Variants in VWA3B observed in about 807,000 individuals in gnomAD.
VWA3B encodes von Willebrand factor A domain containing 3B, also known as von Willebrand factor A domain-containing protein 3B.
A neutral mutation model predicts 158.3 loss-of-function variants in VWA3B; 138 were observed. That is an observed-to-expected ratio of 0.87 (90% confidence interval 0.76 to 1.00). The LOEUF (loss-of-function observed/expected upper bound fraction) is 1.00. Among genes scored for constraint, VWA3B ranks in the 50% least tolerant of loss-of-function variants. The probability of loss-of-function intolerance (pLI) is 0.00; values close to 1 mark genes in which losing one functional copy is unlikely to be tolerated. For missense variants in VWA3B, 1,555 were observed against 1,565.1 expected (o/e 0.99, Z 0.11); for synonymous variants, 596 against 587.3 (o/e 1.01, Z -0.21).
intron 8 of VWA3B, among the ~76,000 whole-genome samples, chr2:98,165,173 A>G (rs2105260435): frequency 1.3e-5 from 2 of 152,334 alleles, no homozygotes; most frequent in Admixed American, 1.3e-4. Flanking sequence ...GTGGACGCAC[A>G]TACCTTACAC....
intron 26 of VWA3B, among the ~76,000 whole-genome samples, chr2:98,307,570 C>A (rs1479986292): frequency 6.6e-6 from 1 of 152,206 alleles, no homozygotes; most frequent in Non-Finnish European, 1.5e-5. Context: ...ACATAAAGTA[C>A]ATTGATTTCT....
chr2:98,109,277 C>A (rs1206392600), intron 2 of VWA3B, among the ~76,000 whole-genome samples: 1 of 152,128 alleles, frequency 6.6e-6, no homozygotes, highest in East Asian at 1.9e-4. Flanking sequence ...CAGGCGTGAG[C>A]CACCGCGCCT....
chr2:98,295,799 A>G (rs958202425), intron 23 of VWA3B, among the ~76,000 whole-genome samples: 1 of 152,218 alleles, frequency 6.6e-6, no homozygotes, highest in Non-Finnish European at 1.5e-5. Context: ...GACACAAGAA[A>G]TGGTTGCAGT....
Position 98,298,006 on chromosome 2 carries a change from G to C in VWA3B, c.3257G>C (p.Gly1086Ala), listed in dbSNP as rs1002337145. 2 of 1,579,476 alleles carry C rather than the reference G, an allele frequency of 1.3e-6. No individual in the cohort carries two copies. The highest frequency in any genetic ancestry group is 1.7e-6 in the Non-Finnish European group (2 of 1,163,086). Reference protein sequence around the residue: ...VSTSFITPVGGAMPCPLLQVG... With the variant: ...VSTSFITPVGAAMPCPLLQVG... ...ACCTCCTTCATCACGCCTGTGGGGGGCGCCATGCCCTGCCCGCTGCTCCAG... is the reference window on the plus strand; with the variant it reads ...ACCTCCTTCATCACGCCTGTGGGGGCCGCCATGCCCTGCCCGCTGCTCCAG... The change falls in exon 24 of 28, where the codon GGC (glycine) becomes GCC (alanine). Residue 1086 changes from glycine to alanine, a missense_variant. Gly to Ala is a moderately conservative substitution (Grantham distance 60). Transcript: ENST00000477737.
chr2:98,120,751 G>A (rs751619404), intron 4 of VWA3B, among the ~76,000 whole-genome samples: 1 of 152,126 alleles, frequency 6.6e-6, no homozygotes, highest in Non-Finnish European at 1.5e-5. Flanking sequence ...CAAACTAAAT[G>A]GTTTAACCAA....
chr2:98,236,142 A>G (rs1685661219), intron 17 of VWA3B, among the ~76,000 whole-genome samples: 1 of 152,240 alleles, frequency 6.6e-6, no homozygotes, highest in African/African-American at 2.4e-5. Flanking sequence ...TCTGAATGAA[A>G]GAATGAATAT....
At chr2:98,176,693 TG>T (rs1444709410) in intron 8 of VWA3B, among the ~76,000 whole-genome samples, 1 of 152,218 alleles carries the variant, frequency 6.6e-6, no homozygotes, top group East Asian at 1.9e-4. Flanking sequence ...AGAAAGACTC[TG>T]GGGCTAAATA....
At chr2:98,218,095 G>A (rs1465516826) in intron 14 of VWA3B, 67 bp downstream of exon 14, 2 of 1,482,382 alleles carry the variant, frequency 1.3e-6, no homozygotes, top group East Asian at 4.8e-5. Flanking sequence ...GCGGTCCCTG[G>A]GTAATACCTT....
intron 2 of VWA3B, among the ~76,000 whole-genome samples, chr2:98,102,687 TTTC>T (rs1478566988): frequency 6.6e-6 from 1 of 152,238 alleles, no homozygotes; most frequent in African/African-American, 2.4e-5. Flanking sequence ...GTAACTTTCT[TTTC>T]TTGTAACGTC....
intron 23 of VWA3B, among the ~76,000 whole-genome samples, chr2:98,292,349 T>A (rs1689547296): frequency 6.6e-6 from 1 of 152,134 alleles, no homozygotes; most frequent in African/African-American, 2.4e-5. Flanking sequence ...ATATTTTAGG[T>A]GGGAAAAAAA....
intron 5 of VWA3B, among the ~76,000 whole-genome samples, chr2:98,122,566 A>G (rs1336118104): frequency 6.6e-6 from 1 of 152,228 alleles, no homozygotes; most frequent in African/African-American, 2.4e-5. Flanking sequence ...TTGTTTTAAC[A>G]TCTGTAAAAT....
At chr2:98,114,217 C>A (rs1372828331) in intron 2 of VWA3B, among the ~76,000 whole-genome samples, 2 of 152,196 alleles carry the variant, frequency 1.3e-5, no homozygotes, top group African/African-American at 4.8e-5. Context: ...GCTTATGAAG[C>A]CTTCCATAGT....
At chr2:98,212,781 G>A (rs1384176520) in intron 13 of VWA3B, among the ~76,000 whole-genome samples, 3 of 151,598 alleles carry the variant, frequency 2.0e-5, no homozygotes, top group Non-Finnish European at 4.4e-5. Context: ...ATGACAGAAC[G>A]GGAGTGTGTA....
intron 7 of VWA3B, among the ~76,000 whole-genome samples, chr2:98,150,329 T>A (rs765426241): frequency 1.3e-5 from 2 of 152,234 alleles, no homozygotes; most frequent in Admixed American, 1.3e-4. Context: ...GCTTTTCCAG[T>A]GTTTTGACTC....
At chr2:98,110,051 A>G (rs2104903669) in intron 2 of VWA3B, among the ~76,000 whole-genome samples, 1 of 150,682 alleles carries the variant, frequency 6.6e-6, no homozygotes, top group South Asian at 2.1e-4. Flanking sequence ...CCAAATTTGG[A>G]GAATTTTCAA....
chr2:98,115,996 T>A (rs1166400260), intron 3 of VWA3B, among the ~76,000 whole-genome samples: 1 of 152,186 alleles, frequency 6.6e-6, no homozygotes, highest in African/African-American at 2.4e-5. Context: ...ACATTACCAC[T>A]TCGTTTTGCT....
chr2:98,163,770 G>A (rs1573953337), intron 8 of VWA3B, among the ~76,000 whole-genome samples: 1 of 152,202 alleles, frequency 6.6e-6, no homozygotes, highest in African/African-American at 2.4e-5. Context: ...ATTCTTTCAG[G>A]AGAGAGGCCA....
chr2:98,093,163 C>T lies in VWA3B; in HGVS notation c.71C>T (p.Thr24Ile), dbSNP rs761199846. 32 of 1,613,972 alleles carry T rather than the reference C, an allele frequency of 2.0e-5. No individual in the cohort carries two copies. Among genetic ancestry groups the T allele is most frequent in the Non-Finnish European group, 2.6e-5 (31 of 1,180,010 alleles). Residue 24 changes from threonine to isoleucine, a missense_variant, in exon 2 of 28, where the codon ACC (threonine) becomes ATC (isoleucine). By Grantham distance (89) the Thr-to-Ile change is moderately conservative. Transcript: ENST00000477737. Reference protein sequence around the residue: ...QLQRQEGWINTKTDLAEQSLI... With the variant: ...QLQRQEGWINIKTDLAEQSLI... ...CAGAGGCAAGAGGGATGGATTAACA[C>T]CAAAACAGACTTGGCTGAGCAGAGT...
At position 98,181,209 on chromosome 2, in the gene VWA3B, T is replaced by G; in HGVS notation, c.1308T>G (p.Ser436Arg). Residue 436 changes from serine (S) to arginine (R), a missense_variant, in exon 9 of 28, where the codon AGT becomes AGG. Physicochemically the swap from Ser to Arg is moderately radical, Grantham distance 110. Coordinates refer to ENST00000477737, the MANE Select transcript of VWA3B (RefSeq NM_144992.5). The part of the protein sequence containing the change: ...AKPENESVQT[S>R]AETNKKTVHA... Reference sequence around the variant, plus strand: ...CGGAGAATGAGTCCGTGCAGACCAGTGCGGTAGGTGAAGTGCACTCCTGGG... The same window carrying G: ...CGGAGAATGAGTCCGTGCAGACCAGGGCGGTAGGTGAAGTGCACTCCTGGG... The G allele has an allele frequency of 6.2e-7, 1 of 1,613,344 alleles. No individual in the cohort carries two copies. Among genetic ancestry groups the G allele is most frequent in the Non-Finnish European group, 8.5e-7 (1 of 1,179,558 alleles).
Sources: allele counts gnomAD v4.1 joint callset (sites outside exome capture counted in the v4.1 genomes callset), GRCh38; gene constraint gnomAD v4.1.1; transcripts MANE v1.5; gene names NCBI Gene and HGNC (gene_info 2026-07-23, HGNC 2026-07-21).